The following EPM2A variants were observed in gnomAD, a reference collection of about 807,000 sequenced individuals.
EPM2A encodes EPM2A glucan phosphatase, laforin.
In EPM2A, 21 loss-of-function variants were observed where a neutral mutation model predicts 26.5. The observed-to-expected ratio is 0.79, with a 90% CI of 0.56 to 1.14. The LOEUF (loss-of-function observed/expected upper bound fraction) is 1.14, where lower values mean the gene tolerates loss of function less well. Among genes scored for constraint, EPM2A ranks in the 50% most tolerant of loss-of-function variants. The pLI, the probability that EPM2A is intolerant of heterozygous loss-of-function variation, is 0.00. For missense variants in EPM2A, 458 were observed against 440.8 expected, an observed-to-expected ratio of 1.04 and a Z score of -0.35; for synonymous variants, 217 against 177.6, an observed-to-expected ratio of 1.22 and a Z score of -1.76.
chr6:145,581,258 T>C (rs150595147), intron 2 of EPM2A, among the ~76,000 whole-genome samples: 24 of 152,306 alleles, frequency 1.6e-4, no homozygotes, highest in African/African-American at 5.5e-4. Flanking sequence ...TGATTAGTGA[T>C]GTGGAGGGTT....
intron 2 of EPM2A, among the ~76,000 whole-genome samples, chr6:145,554,422 T>TA (rs1449117786): frequency 1.2e-3 from 174 of 146,226 alleles, no homozygotes; most frequent in African/African-American, 4.1e-3. Flanking sequence ...GATAGATAGA[T>TA]GATAGATAGA....
In EPM2A at chr6:145,496,440, C is replaced by T. The variant is rs146505820; in HGVS notation, c.555+6082G>A. ...GTAAGTTTTCCAAATTGGTTCCATT[C>T]GCTCCATCTCTTTCAGGTACACCAA... On this transcript the variant is annotated intron_variant, in intron 4 of 4. Coordinates refer to the EPM2A transcript ENST00000638717. 1.1e-3 allele frequency among the ~76,000 whole-genome samples: 174 copies of T among 152,194 alleles called. 1 individual carries two copies. Among genetic ancestry groups the T allele is most frequent in the Admixed American group, 4.2e-3 (64 of 15,292 alleles).
intron 4 of EPM2A, among the ~76,000 whole-genome samples, chr6:145,429,273 A>G (rs1483661970): frequency 6.6e-6 from 1 of 152,114 alleles, no homozygotes; most frequent in Non-Finnish European, 1.5e-5. Flanking sequence ...ACTTATTTTA[A>G]TTCTTAAACA....
chr6:145,452,688 C>CA (rs770537287), intron 4 of EPM2A, among the ~76,000 whole-genome samples: 7,764 of 103,090 alleles, frequency 0.075, 629 homozygotes, highest in African/African-American at 0.23. Context: ...GACTCTGTCT[C>CA]AAAAAAAAAA....
At chr6:145,690,134 G>A (rs1781179754) in intron 1 of EPM2A, among the ~76,000 whole-genome samples, 1 of 152,140 alleles carries the variant, frequency 6.6e-6, no homozygotes, top group Non-Finnish European at 1.5e-5. Flanking sequence ...ACAGTGTGAG[G>A]AACCTGGGTA....
intron 1 of EPM2A, among the ~76,000 whole-genome samples, chr6:145,694,333 A>C (rs1303656051): frequency 6.6e-6 from 1 of 152,052 alleles, no homozygotes; most frequent in Non-Finnish European, 1.5e-5. Flanking sequence ...TGATATAGTC[A>C]TTACAAACTC....
chr6:145,661,487 T>C (rs1277706441), intron 2 of EPM2A, among the ~76,000 whole-genome samples: 2 of 152,212 alleles, frequency 1.3e-5, no homozygotes, highest in South Asian at 2.1e-4. Context: ...GAAGAACACC[T>C]TTGTGATTAA....
intron 4 of EPM2A, among the ~76,000 whole-genome samples, chr6:145,478,232 C>T (rs1255452298): frequency 2.0e-5 from 3 of 151,678 alleles, no homozygotes; most frequent in African/African-American, 7.3e-5. Flanking sequence ...AGTGAATGAT[C>T]TCTATAATAA....
intron 2 of EPM2A, among the ~76,000 whole-genome samples, chr6:145,641,840 C>T (rs1777107218): frequency 6.6e-6 from 1 of 152,088 alleles, no homozygotes; most frequent in Non-Finnish European, 1.5e-5. Flanking sequence ...AATACGTGGG[C>T]CCCTTCTTGA....
intron 4 of EPM2A, among the ~76,000 whole-genome samples, chr6:145,487,656 T>A (rs442808): frequency 0.063 from 9,559 of 152,018 alleles, 449 homozygotes; most frequent in Non-Finnish European, 0.1. Flanking sequence ...GAAAAGTGTC[T>A]GTTCATGTTC....
intron 2 of EPM2A, among the ~76,000 whole-genome samples, chr6:145,569,411 A>C (rs1412072268): frequency 2.0e-5 from 3 of 152,240 alleles, no homozygotes; most frequent in African/African-American, 4.8e-5. Context: ...ATCGGATTAC[A>C]AAAAGCTTTG....
At chr6:145,423,921 T>C (rs1388480094) in intron 4 of EPM2A, among the ~76,000 whole-genome samples, 1 of 152,188 alleles carries the variant, frequency 6.6e-6, no homozygotes, top group African/African-American at 2.4e-5. Flanking sequence ...TAGAATATGT[T>C]ATTGGGCTGG....
intron 4 of EPM2A, chr6:145,491,892 C>T (rs140462758): frequency 0.015 from 7,338 of 494,984 alleles, 104 homozygotes; most frequent in South Asian, 0.019. Context: ...CCAAAGGTTC[C>T]TGGGTAAATT....
intron 2 of EPM2A, among the ~76,000 whole-genome samples, chr6:145,513,610 G>A (rs752009434): frequency 3.3e-5 from 5 of 152,194 alleles, no homozygotes; most frequent in Admixed American, 6.5e-5. Context: ...CTCAAGTTTC[G>A]ATGCCTGGGA....
intron 4 of EPM2A, among the ~76,000 whole-genome samples, chr6:145,451,501 T>A (rs758513452): frequency 4.6e-5 from 7 of 152,364 alleles, no homozygotes; most frequent in South Asian, 2.1e-4. Context: ...CATTATAATA[T>A]TCTTCTCTTT....
intron 4 of EPM2A, among the ~76,000 whole-genome samples, chr6:145,487,245 T>A (rs536918313): frequency 3.4e-4 from 52 of 152,340 alleles, no homozygotes; most frequent in African/African-American, 1.2e-3. Flanking sequence ...CTAACCTTGA[T>A]GGGCATTTAG....
At chr6:145,505,360 T>A (rs1217675891) in intron 2 of EPM2A, among the ~76,000 whole-genome samples, 1 of 152,064 alleles carries the variant, frequency 6.6e-6, no homozygotes. Flanking sequence ...TTTTCATATA[T>A]GTGCTTTATT....
chr6:145,416,912 T>C (rs1778716219), intron 4 of EPM2A, among the ~76,000 whole-genome samples: 1 of 152,122 alleles, frequency 6.6e-6, no homozygotes, highest in African/African-American at 2.4e-5. Context: ...AAATATATCT[T>C]GTGAAAAGAA....
intron 2 of EPM2A, among the ~76,000 whole-genome samples, chr6:145,545,970 T>A (rs1013794578): frequency 6.6e-6 from 1 of 152,186 alleles, no homozygotes; most frequent in African/African-American, 2.4e-5. Context: ...TGCCTTCTAA[T>A]TCTCCCTTAT....
Sources: allele counts gnomAD v4.1 joint callset (sites outside exome capture counted in the v4.1 genomes callset), GRCh38; gene constraint gnomAD v4.1.1; transcripts MANE v1.5; gene names NCBI Gene and HGNC (gene_info 2026-07-23, HGNC 2026-07-21).